Variants in GRID2 observed in about 807,000 individuals in gnomAD.
GRID2 encodes the protein glutamate ionotropic receptor delta type subunit 2, also known as glutamate receptor ionotropic, delta-2.
GRID2 carries 33 observed loss-of-function variants against 114.8 expected under a neutral mutation model. The observed-to-expected ratio is 0.29, with a 90% CI of 0.22 to 0.38. The LOEUF is 0.38. GRID2 is among the 10% of genes least tolerant of loss of function. The pLI is 1.00. For synonymous variants in GRID2, 505 were observed against 449.9 expected (o/e 1.12, Z -1.55); for missense variants, 1,184 against 1,257.7 (o/e 0.94, Z 0.89).
chr4:93,230,857 CTTTAG>C (rs1468352351), intron 7 of GRID2, among the ~76,000 whole-genome samples: 1 of 151,966 alleles, frequency 6.6e-6, no homozygotes, highest in Non-Finnish European at 1.5e-5. Flanking sequence ...GTTTTTCAGT[CTTTAG>C]TTTATTATGA....
chr4:92,963,724 A>G (rs1752963321), intron 2 of GRID2, among the ~76,000 whole-genome samples: 1 of 151,962 alleles, frequency 6.6e-6, no homozygotes, highest in African/African-American at 2.4e-5. Context: ...AATGTTCTAA[A>G]TTTCATCTAG....
At chr4:93,362,384 T>G (rs1402840413) in intron 8 of GRID2, among the ~76,000 whole-genome samples, 1 of 152,012 alleles carries the variant, frequency 6.6e-6, no homozygotes, top group East Asian at 1.9e-4. Context: ...GGATTGGGGA[T>G]CTGGCTTTCT....
chr4:92,599,658 T>A (rs1236592493), intron 2 of GRID2, among the ~76,000 whole-genome samples: 1 of 152,160 alleles, frequency 6.6e-6, no homozygotes, highest in African/African-American at 2.4e-5. Flanking sequence ...ATATGATGGT[T>A]AGATGGGTTA....
chr4:93,152,620 G>A (rs1736833392), intron 4 of GRID2, among the ~76,000 whole-genome samples: 1 of 152,052 alleles, frequency 6.6e-6, no homozygotes, highest in Non-Finnish European at 1.5e-5. Context: ...CCAGACTCTG[G>A]AACCAAATGG....
chr4:92,976,955 T>G (rs549375676), intron 2 of GRID2, among the ~76,000 whole-genome samples: 1 of 152,290 alleles, frequency 6.6e-6, no homozygotes, highest in East Asian at 1.9e-4. Flanking sequence ...ACTCACAGAT[T>G]AGCATCCATG....
chr4:93,041,984 C>A (rs1725559163), intron 2 of GRID2, among the ~76,000 whole-genome samples: 1 of 152,048 alleles, frequency 6.6e-6, no homozygotes, highest in Non-Finnish European at 1.5e-5. Flanking sequence ...CTCACTGCAA[C>A]CTCTGCCTCC....
At chr4:93,180,422 T>C (rs1739779513) in intron 4 of GRID2, among the ~76,000 whole-genome samples, 1 of 152,128 alleles carries the variant, frequency 6.6e-6, no homozygotes, top group Non-Finnish European at 1.5e-5. Flanking sequence ...CTTGCCAGGA[T>C]ATTGATGACT....
At chr4:93,754,749 G>C (rs550182299) in intron 14 of GRID2, among the ~76,000 whole-genome samples, 1 of 152,270 alleles carries the variant, frequency 6.6e-6, no homozygotes, top group South Asian at 2.1e-4. Context: ...ACTTAGCTGG[G>C]TTGCTTTCAT....
chr4:93,010,329 A>C (rs768849137), intron 2 of GRID2, among the ~76,000 whole-genome samples: 6 of 152,078 alleles, frequency 3.9e-5, no homozygotes, highest in South Asian at 2.1e-4. Context: ...ATACACATAT[A>C]TATGCATATG....
At chr4:93,624,665 T>C (rs775083963) in intron 13 of GRID2, among the ~76,000 whole-genome samples, 22 of 152,196 alleles carry the variant, frequency 1.4e-4, no homozygotes, top group Non-Finnish European at 2.9e-4. Flanking sequence ...TTGCTTTTCC[T>C]TGTTTAATAA....
chr4:93,474,141 T>A (rs1725096027), intron 11 of GRID2, among the ~76,000 whole-genome samples: 1 of 152,120 alleles, frequency 6.6e-6, no homozygotes, highest in Non-Finnish European at 1.5e-5. Flanking sequence ...AGAATTTTCT[T>A]ATGATTCAAT....
At chr4:92,685,314 C>T (rs115038579) in intron 2 of GRID2, among the ~76,000 whole-genome samples, 10 of 151,982 alleles carry the variant, frequency 6.6e-5, no homozygotes, top group African/African-American at 2.4e-4. Context: ...AGGAATTTCC[C>T]GTGCCCAGGT....
intron 2 of GRID2, among the ~76,000 whole-genome samples, chr4:92,966,638 A>G (rs1202571412): frequency 1.3e-5 from 2 of 151,838 alleles, no homozygotes; most frequent in Non-Finnish European, 2.9e-5. Context: ...CATAAATAGG[A>G]GTTCCCCTGC....
intron 2 of GRID2, among the ~76,000 whole-genome samples, chr4:92,719,568 C>T (rs1319346312): frequency 1.3e-5 from 2 of 151,970 alleles, no homozygotes; most frequent in Non-Finnish European, 2.9e-5. Flanking sequence ...AGAAAGTTGA[C>T]AAATGCTACT....
chr4:93,544,536 G>A (rs566745652), intron 13 of GRID2, among the ~76,000 whole-genome samples: 1 of 152,034 alleles, frequency 6.6e-6, no homozygotes, highest in Non-Finnish European at 1.5e-5. Context: ...CCAGTACTTT[G>A]AGAGGCCAAG....
chr4:93,269,403 G>T (rs188028775), intron 8 of GRID2, among the ~76,000 whole-genome samples: 12 of 152,280 alleles, frequency 7.9e-5, no homozygotes. Flanking sequence ...TAATTCCTTG[G>T]TCTAAAATTA....
chr4:93,148,508 A>T (rs1227092839), intron 4 of GRID2, among the ~76,000 whole-genome samples: 1 of 152,128 alleles, frequency 6.6e-6, no homozygotes, highest in Non-Finnish European at 1.5e-5. Flanking sequence ...ATTCTTCTTT[A>T]TGTATTTTAT....
chr4:93,453,594 T>A (rs1188060565), intron 10 of GRID2, among the ~76,000 whole-genome samples: 1 of 152,148 alleles, frequency 6.6e-6, no homozygotes, highest in Non-Finnish European at 1.5e-5. Flanking sequence ...TATTCTATTT[T>A]AAAAATTCAC....
chr4:93,264,379 TAC>T (rs1750571824), intron 8 of GRID2, among the ~76,000 whole-genome samples: 1 of 152,094 alleles, frequency 6.6e-6, no homozygotes, highest in African/African-American at 2.4e-5. Flanking sequence ...ACAGCAAAAT[TAC>T]AGTTACCAAG....
Sources: gnomAD v4.1 joint callset for allele counts (sites outside exome capture counted in the v4.1 genomes callset) on GRCh38, gnomAD v4.1.1 for gene constraint, MANE v1.5 for transcripts, NCBI Gene and HGNC (gene_info 2026-07-23, HGNC 2026-07-21) for gene names.